FA2H: variants seen among roughly 807,000 people sequenced by gnomAD.
The protein encoded by FA2H is fatty acid alpha-hydroxylase.
Under a neutral mutation model 44.9 loss-of-function variants are expected in FA2H, and 22 were observed. That is an observed-to-expected ratio of 0.49 (90% confidence interval 0.35 to 0.70). The LOEUF is 0.70. FA2H is among the 30% of genes least tolerant of loss of function. The pLI, the probability that FA2H is intolerant of heterozygous loss-of-function variation, is 0.01. For synonymous variants in FA2H, 243 were observed against 213.2 expected (o/e 1.14, Z -1.22); for missense variants, 501 against 504.9 (o/e 0.99, Z 0.07).
Position 74,774,549 on chromosome 16 carries a change from G to T in FA2H, c.207C>A (p.His69Gln). The T allele has an allele frequency of 6.5e-7, 1 of 1,546,822 alleles. No homozygotes were observed. The highest frequency in any genetic ancestry group is 1.4e-5 in the African/African-American group (1 of 71,934). The part of the protein sequence containing the change: ...SADLDGPPHR[H>Q]SANARRWLEQ... ...CCAGCCAGCGGCGCGCGTTGGCCGAGTGCCTGTGCGGCGGCCCGTCCAGGT... is the reference window on the plus strand; with the variant it reads ...CCAGCCAGCGGCGCGCGTTGGCCGATTGCCTGTGCGGCGGCCCGTCCAGGT... The change falls in exon 1 of 7, where the codon CAC (histidine) becomes CAA (glutamine). Residue 69 changes from histidine (H) to glutamine (Q), a missense_variant. His to Gln is a conservative substitution (Grantham distance 24). Transcript: ENST00000219368.
intron 1 of FA2H, among the ~76,000 whole-genome samples, chr16:74,761,960 T>A (rs931628232): frequency 6.6e-5 from 10 of 152,196 alleles, no homozygotes; most frequent in Non-Finnish European, 1.3e-4. Flanking sequence ...CCTTAGCCCT[T>A]AAATACACTT....
At chr16:74,730,773 G>A (rs1962056567) in intron 2 of FA2H, among the ~76,000 whole-genome samples, 1 of 152,192 alleles carries the variant, frequency 6.6e-6, no homozygotes, top group South Asian at 2.1e-4. Context: ...TGTCAAGCAT[G>A]GTTCTAAACA....
chr16:74,746,616 GA>G (rs1414755523), intron 1 of FA2H, among the ~76,000 whole-genome samples: 3 of 152,118 alleles, frequency 2.0e-5, no homozygotes, highest in African/African-American at 7.2e-5. Flanking sequence ...GATGTGGGCC[GA>G]ACCAACACAT....
In FA2H at chr16:74,713,735, A is replaced by C. The variant is rs909350818; in HGVS notation, c.*455T>G. 1 of 173,184 alleles carries C rather than the reference A, an allele frequency of 5.8e-6. No individual in the cohort carries two copies. Among genetic ancestry groups the C allele is most frequent in the Admixed American group, 5.6e-5 (1 of 17,894 alleles). 10.7% of individuals were successfully genotyped at this position (173,184 alleles called of 1,614,324 possible). A position where few individuals can be genotyped will look rare whatever the true frequency, so the allele number is the denominator to read the frequency against. On this transcript the variant is annotated 3_prime_UTR_variant, in exon 7 of 7. Transcript: ENST00000219368. ...CCACCAAAGCCTCCCCAGAAGGGAC[A>C]GCAGGGAGGACAGGGACCACAGATC...
intron 4 of FA2H, among the ~76,000 whole-genome samples, chr16:74,723,412 G>A (rs775047159): frequency 4.9e-4 from 69 of 141,652 alleles, no homozygotes; most frequent in Admixed American, 8.3e-4. Context: ...GCTGACGACC[G>A]AAGCTCTACA....
intron 2 of FA2H, among the ~76,000 whole-genome samples, chr16:74,735,400 C>T (rs550037815): frequency 2.0e-4 from 31 of 152,306 alleles, no homozygotes; most frequent in Middle Eastern, 3.4e-3. Context: ...TCCCCCTGAG[C>T]CCTATGACCC....
chr16:74,738,154 C>A (rs1278364713), intron 2 of FA2H, among the ~76,000 whole-genome samples: 1 of 152,116 alleles, frequency 6.6e-6, no homozygotes, highest in Non-Finnish European at 1.5e-5. Flanking sequence ...CAGGGCCCAG[C>A]CCTCGCCCTT....
chr16:74,734,604 G>A (rs1962144594), intron 2 of FA2H, among the ~76,000 whole-genome samples: 1 of 152,238 alleles, frequency 6.6e-6, no homozygotes, highest in African/African-American at 2.4e-5. Flanking sequence ...ACGGCAGGGG[G>A]AAAGGGCAGC....
intron 4 of FA2H, among the ~76,000 whole-genome samples, chr16:74,720,247 G>A (rs1400916778): frequency 2.4e-5 from 3 of 125,482 alleles, no homozygotes; most frequent in Non-Finnish European, 3.2e-5. Flanking sequence ...CTAGGCTGGA[G>A]TGCAGTGGTG....
chr16:74,716,635 C>G (rs750814402), intron 5 of FA2H, 36 bp from the exon 6 acceptor site: 3 of 1,525,632 alleles, frequency 2.0e-6, no homozygotes, highest in Admixed American at 4.0e-5. Flanking sequence ...AGGAGGCAGC[C>G]AGGGGCCCCG....
At position 74,731,696 on chromosome 16, in the gene FA2H, A is replaced by G. The variant is rs145859458; in HGVS notation, c.364-4310T>C. 9.7e-4 allele frequency among the ~76,000 whole-genome samples: 147 copies of G among 151,354 alleles called. 1 individual carries two copies. The highest frequency in any genetic ancestry group is 3.4e-3 in the African/African-American group (140 of 41,238). ...CCACCACACATGGCTGCTATTTTCT[A>G]TTTGTCTCCTCTGTTCTTCCTTTGT... On this transcript the variant is annotated intron_variant, in intron 2 of 6. Transcript: ENST00000219368.
At chr16:74,720,489 C>G (rs1961812490) in intron 4 of FA2H, among the ~76,000 whole-genome samples, 1 of 152,054 alleles carries the variant, frequency 6.6e-6, no homozygotes, top group South Asian at 2.1e-4. Flanking sequence ...AGCCACCGTG[C>G]CCAGCCCATC....
chr16:74,748,742 C>T (rs1449298820), intron 1 of FA2H, among the ~76,000 whole-genome samples: 2 of 151,166 alleles, frequency 1.3e-5, no homozygotes, highest in Non-Finnish European at 3.0e-5. Context: ...CCATAGAGGC[C>T]GCGTGAAAGG....
intron 1 of FA2H, 70 bp downstream of exon 1, chr16:74,774,416 C>T: frequency 1.4e-6 from 2 of 1,410,082 alleles, no homozygotes; most frequent in Non-Finnish European, 1.9e-6. Context: ...GGCAAGTGAA[C>T]GGGGCTCGCC....
intron 2 of FA2H, among the ~76,000 whole-genome samples, chr16:74,735,064 T>G (rs759717999): frequency 1.3e-5 from 2 of 152,170 alleles, no homozygotes; most frequent in Admixed American, 1.3e-4. Context: ...GCCTTAATTC[T>G]GGGAGTTGGG....
At chr16:74,762,637 T>C (rs1962734617) in intron 1 of FA2H, among the ~76,000 whole-genome samples, 1 of 152,134 alleles carries the variant, frequency 6.6e-6, no homozygotes, top group Non-Finnish European at 1.5e-5. Flanking sequence ...TTCAAGAATT[T>C]TCCTGCTTCA....
At chr16:74,758,117 C>CTTTTTT in intron 1 of FA2H, among the ~76,000 whole-genome samples, 1 of 113,576 alleles carries the variant, frequency 8.8e-6, no homozygotes. Context: ...GGAAACAATT[C>CTTTTTT]TTTTTTTTTT....
chr16:74,753,793 A>C (rs910605964), intron 1 of FA2H, among the ~76,000 whole-genome samples: 11 of 152,206 alleles, frequency 7.2e-5, no homozygotes, highest in Admixed American at 3.3e-4. Context: ...AACAAACTTC[A>C]TGGTGCTCCG....
At position 74,770,696 on chromosome 16, in the gene FA2H, C is replaced by T. The variant is rs1345735509; in HGVS notation, c.270+3790G>A. Among the ~76,000 whole-genome samples the T allele has an allele frequency of 2.0e-5, 3 of 152,200 alleles. No individual in the cohort carries two copies. The East Asian group carries it at 5.8e-4, about 29-fold the overall frequency. ...TTCCTCTCTCTCAATTTAAAGACAA[C>T]CCTGTACTAGTTCTTAGGTTAGAAC... is the stretch of plus-strand genomic sequence containing the variant. On this transcript the variant is annotated intron_variant, in intron 1 of 6. Transcript: ENST00000219368.
Sources: gnomAD v4.1 joint callset for allele counts (sites outside exome capture counted in the v4.1 genomes callset) on GRCh38, gnomAD v4.1.1 for gene constraint, MANE v1.5 for transcripts, NCBI Gene and HGNC (gene_info 2026-07-23, HGNC 2026-07-21) for gene names.